The following DPP6 variants were observed in gnomAD, a reference collection of about 807,000 sequenced individuals.
The protein encoded by DPP6 is A-type potassium channel modulatory protein DPP6.
DPP6 carries 69 observed loss-of-function variants against 122.6 expected under a neutral mutation model. That is an observed-to-expected ratio of 0.56 (90% CI 0.46 to 0.69). The LOEUF is 0.69. DPP6 is among the 30% of genes least tolerant of loss of function. DPP6 has a pLI of 0.00. For synonymous variants in DPP6, 418 were observed against 433.1 expected, an observed-to-expected ratio of 0.97 and a Z score of 0.43; for missense variants, 928 against 1,116.9, an observed-to-expected ratio of 0.83 and a Z score of 2.41.
chr7:154,765,897 T>C (rs940898962), intron 8 of DPP6, among the ~76,000 whole-genome samples: 5 of 152,268 alleles, frequency 3.3e-5, no homozygotes, highest in African/African-American at 9.6e-5. Context: ...TGCAAAACTC[T>C]GCTTCTAAAC....
At chr7:154,580,584 T>TAG (rs1831997638) in intron 5 of DPP6, among the ~76,000 whole-genome samples, 2 of 152,062 alleles carry the variant, frequency 1.3e-5, no homozygotes, top group Admixed American at 1.3e-4. Context: ...TCATGTGGTG[T>TAG]AGATGATGTC....
At chr7:154,690,440 G>A (rs1415204491) in intron 7 of DPP6, among the ~76,000 whole-genome samples, 1 of 152,156 alleles carries the variant, frequency 6.6e-6, no homozygotes, top group African/African-American at 2.4e-5. Context: ...GTAGAAAGCA[G>A]AACTTCACAC....
chr7:154,324,887 T>C (rs1240390054), intron 1 of DPP6, among the ~76,000 whole-genome samples: 1 of 148,284 alleles, frequency 6.7e-6, no homozygotes, highest in Admixed American at 6.8e-5. Flanking sequence ...TTTTTTTGAG[T>C]CTTGCTCTGT....
In DPP6 at chr7:153,999,120, T is replaced by C. The variant is rs192640537; in HGVS notation, c.51+111386T>C. ...GCCCAGCTCTCCTCTGGGAGGAGCA[T>C]TGGGCACCACTTGAGTTGAGTTTGT... On this transcript the variant is annotated intron_variant, in intron 1 of 25. Coordinates refer to the DPP6 transcript ENST00000404039. Among the ~76,000 whole-genome samples the C allele has an allele frequency of 4.7e-4, 72 of 152,334 alleles. No individual in the cohort carries two copies. The East Asian group carries it at 0.012, about 26-fold the overall frequency.
chr7:154,050,334 TTCTA>T (rs746103572), upstream of DPP6, among the ~76,000 whole-genome samples: 1 of 152,224 alleles, frequency 6.6e-6, no homozygotes, highest in African/African-American at 2.4e-5. Flanking sequence ...CCCAATAGTA[TTCTA>T]TCTATGATTA....
chr7:154,212,050 A>C (rs1472755087), intron 1 of DPP6, among the ~76,000 whole-genome samples: 1 of 152,144 alleles, frequency 6.6e-6, no homozygotes, highest in Non-Finnish European at 1.5e-5. Context: ...CACTTTATAC[A>C]TGAGAAAGGC....
chr7:154,108,060 C>G (rs1238557024), intron 1 of DPP6, among the ~76,000 whole-genome samples: 1 of 152,154 alleles, frequency 6.6e-6, no homozygotes, highest in African/African-American at 2.4e-5. Context: ...TGTGTTCACC[C>G]AAATATATAA....
At chr7:153,843,776 T>C in the DPP6 span, among the ~76,000 whole-genome samples, 1 of 152,172 alleles carries the variant, frequency 6.6e-6, no homozygotes, top group Non-Finnish European at 1.5e-5. Context: ...AGTCTTTCCA[T>C]AACCTATGAT....
chr7:153,973,354 G>A (rs1279103291), intron 1 of DPP6, among the ~76,000 whole-genome samples: 7 of 152,168 alleles, frequency 4.6e-5, no homozygotes, highest in Admixed American at 2.0e-4. Flanking sequence ...AGTCTAGAAA[G>A]GTTAAGCCGT....
intron 1 of DPP6, among the ~76,000 whole-genome samples, chr7:154,214,566 A>G (rs1485817789): frequency 1.3e-5 from 2 of 152,222 alleles, no homozygotes; most frequent in Admixed American, 1.3e-4. Flanking sequence ...GGACACTGTT[A>G]GCAAATTGCT....
chr7:154,791,190 T>A (rs886608705), intron 10 of DPP6, among the ~76,000 whole-genome samples: 3 of 152,112 alleles, frequency 2.0e-5, no homozygotes, highest in Non-Finnish European at 4.4e-5. Flanking sequence ...AGGTACAGGT[T>A]GCAGTGAGCC....
chr7:154,264,808 G>C (rs1313950209), intron 1 of DPP6, among the ~76,000 whole-genome samples: 2 of 151,974 alleles, frequency 1.3e-5, no homozygotes. Flanking sequence ...TGGTGATAAT[G>C]GTGTTGATAA....
chr7:154,582,547 C>A (rs1832143180), intron 5 of DPP6, among the ~76,000 whole-genome samples: 1 of 152,196 alleles, frequency 6.6e-6, no homozygotes, highest in Non-Finnish European at 1.5e-5. Context: ...CTTCCTCCTC[C>A]TCCTGTTTCC....
chr7:154,430,146 T>C (rs1818243085), intron 1 of DPP6, among the ~76,000 whole-genome samples: 1 of 152,158 alleles, frequency 6.6e-6, no homozygotes, highest in African/African-American at 2.4e-5. Flanking sequence ...CTCGACGGCC[T>C]TAGATGCTTA....
At chr7:153,921,367 A>G (rs1305262096) in intron 1 of DPP6, among the ~76,000 whole-genome samples, 1 of 152,266 alleles carries the variant, frequency 6.6e-6, no homozygotes, top group East Asian at 1.9e-4. Flanking sequence ...TCTTCAGTTT[A>G]TATTTATTTA....
At chr7:154,390,672 A>C (rs1023641947) in intron 1 of DPP6, among the ~76,000 whole-genome samples, 3 of 152,212 alleles carry the variant, frequency 2.0e-5, no homozygotes, top group African/African-American at 7.2e-5. Flanking sequence ...AGAGAAACGC[A>C]GGTGGAAGAA....
At chr7:153,850,720 T>C in the DPP6 span, among the ~76,000 whole-genome samples, 1 of 152,126 alleles carries the variant, frequency 6.6e-6, no homozygotes, top group African/African-American at 2.4e-5. Context: ...AGAGCTTCTG[T>C]AGGGGAACTC....
At chr7:154,126,630 T>C (rs1285588255) in intron 1 of DPP6, among the ~76,000 whole-genome samples, 1 of 151,486 alleles carries the variant, frequency 6.6e-6, no homozygotes. Flanking sequence ...ACCTGAATTT[T>C]CAGGGGCTTC....
intron 1 of DPP6, among the ~76,000 whole-genome samples, chr7:154,200,953 T>A (rs994610891): frequency 3.9e-5 from 6 of 151,910 alleles, no homozygotes; most frequent in Non-Finnish European, 8.8e-5. Context: ...AAAAAAAAAA[T>A]TGTGGGCTTC....
Sources: gnomAD v4.1 joint callset for allele counts (sites outside exome capture counted in the v4.1 genomes callset) on GRCh38, gnomAD v4.1.1 for gene constraint, MANE v1.5 for transcripts, NCBI Gene and HGNC (gene_info 2026-07-23, HGNC 2026-07-21) for gene names.